Variants in CTNND2 observed in about 807,000 individuals in gnomAD.
The protein encoded by CTNND2 is catenin delta-2.
In CTNND2, 22 loss-of-function variants were observed where a neutral mutation model predicts 144.4. That is an observed-to-expected ratio of 0.15 (90% CI 0.11 to 0.22). CTNND2 has a LOEUF of 0.22. Ranked by LOEUF, CTNND2 falls within the 10% of genes least tolerant of loss-of-function variation. CTNND2 has a pLI of 1.00. For missense variants in CTNND2, 1,353 were observed against 1,618.8 expected, an observed-to-expected ratio of 0.84 and a Z score of 2.82; for synonymous variants, 751 against 695.6, an observed-to-expected ratio of 1.08 and a Z score of -1.25.
intron 1 of CTNND2, among the ~76,000 whole-genome samples, chr5:11,761,598 A>T (rs1789267518): frequency 6.6e-6 from 1 of 152,148 alleles, no homozygotes; most frequent in Admixed American, 6.6e-5. Flanking sequence ...ATTTGAATTT[A>T]TTGTATTTAA....
chr5:11,857,487 G>A (rs1470086659), intron 1 of CTNND2, among the ~76,000 whole-genome samples: 2 of 152,192 alleles, frequency 1.3e-5, no homozygotes, highest in East Asian at 3.9e-4. Context: ...CGAGCAAGAG[G>A]ACAATACGAT....
intron 7 of CTNND2, among the ~76,000 whole-genome samples, chr5:11,370,628 T>C (rs1757388323): frequency 6.6e-6 from 1 of 152,264 alleles, no homozygotes; most frequent in Admixed American, 6.5e-5. Context: ...CTATAATCTA[T>C]GACTCTCTAA....
At position 11,082,778 on chromosome 5, in the gene CTNND2, T is replaced by C; in HGVS notation, c.2706A>G (p.Arg902=). The C allele has an allele frequency of 1.2e-6, 2 of 1,614,186 alleles. No individual in the cohort carries two copies. ...CGCACACCACACGGTCATTGTCTATTCGGAGCAGCTCCACGAGGATGGGCA... is the reference window on the plus strand; with the variant it reads ...CGCACACCACACGGTCATTGTCTATCCGGAGCAGCTCCACGAGGATGGGCA... ...KGLPILVELL[R]IDNDRVVCAV... is the part of the protein sequence containing the mutation. The change falls in exon 16 of 22, where the codon CGA becomes CGG. Residue 902 remains arginine (R), a synonymous_variant. Transcript: ENST00000304623.
chr5:11,741,881 T>G (rs1244583920), intron 1 of CTNND2, among the ~76,000 whole-genome samples: 1 of 150,796 alleles, frequency 6.6e-6, no homozygotes, highest in Non-Finnish European at 1.5e-5. Context: ...TAAAAAGGAA[T>G]GAAATAATGT....
intron 2 of CTNND2, among the ~76,000 whole-genome samples, chr5:11,627,323 GGA>G (rs1561634701): frequency 6.6e-6 from 1 of 152,162 alleles, no homozygotes; most frequent in Non-Finnish European, 1.5e-5. Context: ...TAATCCAGGT[GGA>G]GTTACCAGCA....
intron 9 of CTNND2, among the ~76,000 whole-genome samples, chr5:11,284,863 C>T (rs752130261): frequency 5.3e-5 from 8 of 152,196 alleles, no homozygotes; most frequent in Non-Finnish European, 1.0e-4. Flanking sequence ...AACTTTGCCT[C>T]TCTCACTGTC....
intron 2 of CTNND2, among the ~76,000 whole-genome samples, chr5:11,700,235 C>T (rs998688514): frequency 1.3e-5 from 2 of 151,928 alleles, no homozygotes; most frequent in African/African-American, 4.8e-5. Flanking sequence ...ACTAAAAATA[C>T]AAGAAAAATT....
chr5:11,770,047 A>G (rs1789827008), intron 1 of CTNND2, among the ~76,000 whole-genome samples: 1 of 152,206 alleles, frequency 6.6e-6, no homozygotes, highest in Non-Finnish European at 1.5e-5. Flanking sequence ...GATGAATTTA[A>G]AAGATGTAAT....
chr5:11,480,721 A>G (rs913188008), intron 3 of CTNND2, among the ~76,000 whole-genome samples: 1 of 151,684 alleles, frequency 6.6e-6, no homozygotes, highest in African/African-American at 2.4e-5. Context: ...CTTTCTGTAG[A>G]AAAAGAGTTG....
chr5:11,212,271 TAC>T (rs1738714648), intron 10 of CTNND2, among the ~76,000 whole-genome samples: 1 of 152,194 alleles, frequency 6.6e-6, no homozygotes, highest in African/African-American at 2.4e-5. Context: ...CAGGAACAAA[TAC>T]AGTGTATGAA....
At chr5:11,748,030 G>A (rs966620412) in intron 1 of CTNND2, among the ~76,000 whole-genome samples, 2 of 152,110 alleles carry the variant, frequency 1.3e-5, no homozygotes, top group African/African-American at 4.8e-5. Context: ...TCTGCAAACA[G>A]ATATCTGCAC....
chr5:11,777,263 G>A (rs1790309266), intron 1 of CTNND2, among the ~76,000 whole-genome samples: 1 of 152,136 alleles, frequency 6.6e-6, no homozygotes, highest in African/African-American at 2.4e-5. Context: ...TCAACAGGAC[G>A]TTTGTACACA....
chr5:11,493,228 A>T (rs554615302), intron 3 of CTNND2, among the ~76,000 whole-genome samples: 2 of 152,274 alleles, frequency 1.3e-5, no homozygotes, highest in South Asian at 4.1e-4. Flanking sequence ...TGGAAAGCAA[A>T]GGGATGGGGT....
At chr5:11,246,468 A>G (rs1743014304) in intron 9 of CTNND2, among the ~76,000 whole-genome samples, 1 of 152,114 alleles carries the variant, frequency 6.6e-6, no homozygotes, top group Admixed American at 6.5e-5. Context: ...TGATGCAGCC[A>G]CAAGCCCAGG....
intron 3 of CTNND2, among the ~76,000 whole-genome samples, chr5:11,447,835 G>A (rs1764963654): frequency 6.6e-6 from 1 of 152,196 alleles, no homozygotes; most frequent in Admixed American, 6.5e-5. Context: ...TCAAAGAATA[G>A]TGGGAACTGA....
chr5:11,252,963 C>T (rs892082509), intron 9 of CTNND2, among the ~76,000 whole-genome samples: 4 of 152,178 alleles, frequency 2.6e-5, no homozygotes, highest in Admixed American at 6.5e-5. Context: ...GTATCTCACA[C>T]AGAGATATTT....
chr5:11,256,863 T>C (rs533677227), intron 9 of CTNND2, among the ~76,000 whole-genome samples: 1 of 152,186 alleles, frequency 6.6e-6, no homozygotes, highest in African/African-American at 2.4e-5. Flanking sequence ...AATTCTTGGT[T>C]GGGAAGGGAG....
At chr5:11,131,859 A>G (rs770431385) in intron 12 of CTNND2, among the ~76,000 whole-genome samples, 11 of 152,200 alleles carry the variant, frequency 7.2e-5, no homozygotes, top group African/African-American at 9.6e-5. Context: ...CAGTCATGTA[A>G]TCTTTTAATT....
At chr5:11,395,880 C>A (rs1760068900) in intron 6 of CTNND2, among the ~76,000 whole-genome samples, 1 of 152,168 alleles carries the variant, frequency 6.6e-6, no homozygotes, top group Non-Finnish European at 1.5e-5. Flanking sequence ...AGGCTGTTAA[C>A]CCTCTTTGCC....
Sources: allele counts gnomAD v4.1 joint callset (sites outside exome capture counted in the v4.1 genomes callset), GRCh38; gene constraint gnomAD v4.1.1; transcripts MANE v1.5; gene names NCBI Gene and HGNC (gene_info 2026-07-23, HGNC 2026-07-21).